Variants in ATP8A2 observed in about 807,000 individuals in gnomAD.
ATP8A2 encodes ATPase phospholipid transporting 8A2.
In ATP8A2, 100 loss-of-function variants were observed where a neutral mutation model predicts 165.6. The observed-to-expected ratio is 0.60, with a 90% confidence interval of 0.51 to 0.71. The LOEUF (loss-of-function observed/expected upper bound fraction) is 0.71. Ranked by LOEUF, ATP8A2 falls within the 30% of genes least tolerant of loss-of-function variation. The probability of loss-of-function intolerance (pLI) is 0.00; values close to 1 mark genes in which losing one functional copy is unlikely to be tolerated. For missense variants in ATP8A2, 1,227 were observed against 1,479.5 expected (o/e 0.83, Z 2.80); for synonymous variants, 543 against 548.8 (o/e 0.99, Z 0.15).
rs758445546 is a variant in ATP8A2 at position 25,817,051 on chromosome 13, G to C, written c.2680-11067G>C. ...CTACCCCTTCCATAATAGACCCCCT[G>C]CCACTGTTCCAACACCAGGAGGTTG... On this transcript the variant is annotated intron_variant, in intron 27 of 36. Coordinates refer to ENST00000381655, the MANE Select transcript of ATP8A2 (RefSeq NM_016529.6). 3.9e-5 allele frequency among the ~76,000 whole-genome samples: 6 copies of C among 152,182 alleles called. No individual in the cohort carries two copies. The East Asian group carries it at 1.2e-3, about 29-fold the overall frequency.
chr13:25,903,284 T>C (rs1953821976), intron 33 of ATP8A2, among the ~76,000 whole-genome samples: 1 of 152,158 alleles, frequency 6.6e-6, no homozygotes, highest in Non-Finnish European at 1.5e-5. Context: ...GCTTTAACCC[T>C]GCCGTTGCAT....
intron 24 of ATP8A2, chr13:25,649,110 A>C: frequency 2.2e-6 from 1 of 460,774 alleles, no homozygotes; most frequent in Non-Finnish European, 4.4e-6. Flanking sequence ...GTGTTTGTGT[A>C]CTTGAGATAA....
chr13:25,947,330 C>T (rs956637013), intron 33 of ATP8A2, among the ~76,000 whole-genome samples: 1 of 152,092 alleles, frequency 6.6e-6, no homozygotes, highest in Non-Finnish European at 1.5e-5. Flanking sequence ...TTGTCTACAT[C>T]TTCATTAATT....
chr13:25,521,566 G>C (rs1481138365), intron 2 of ATP8A2, among the ~76,000 whole-genome samples: 1 of 152,088 alleles, frequency 6.6e-6, no homozygotes, highest in Non-Finnish European at 1.5e-5. Flanking sequence ...TGAGAGATAG[G>C]GGTCTAGATT....
At chr13:25,720,079 G>A (rs566514633) in intron 25 of ATP8A2, among the ~76,000 whole-genome samples, 43 of 151,618 alleles carry the variant, frequency 2.8e-4, no homozygotes, top group Admixed American at 8.5e-4. Context: ...TATAAGCTCC[G>A]AATTCTTGTA....
At chr13:25,799,302 G>C (rs894999210) in intron 27 of ATP8A2, among the ~76,000 whole-genome samples, 22 of 152,244 alleles carry the variant, frequency 1.4e-4, no homozygotes, top group Admixed American at 1.4e-3. Flanking sequence ...CTTTCCTTTT[G>C]GGGTAGGAAG....
At chr13:25,557,335 T>C (rs1322692903) in intron 13 of ATP8A2, among the ~76,000 whole-genome samples, 1 of 152,168 alleles carries the variant, frequency 6.6e-6, no homozygotes, top group Non-Finnish European at 1.5e-5. Flanking sequence ...CCTTGGACCT[T>C]GGGCTGTCAA....
At chr13:25,492,508 A>G (rs552521385) in intron 2 of ATP8A2, among the ~76,000 whole-genome samples, 2 of 152,328 alleles carry the variant, frequency 1.3e-5, no homozygotes, top group East Asian at 3.9e-4. Context: ...CACTGGGGAC[A>G]TCAGCACCCT....
chr13:25,511,991 T>C (rs567421795), intron 2 of ATP8A2, among the ~76,000 whole-genome samples: 1 of 151,728 alleles, frequency 6.6e-6, no homozygotes, highest in South Asian at 2.1e-4. Context: ...GATAAACAAG[T>C]GAACAAAGGT....
chr13:25,613,486 A>G (rs373777747), intron 24 of ATP8A2, among the ~76,000 whole-genome samples: 20 of 152,244 alleles, frequency 1.3e-4, no homozygotes, highest in Admixed American at 1.2e-3. Context: ...AGGCAGGAGA[A>G]TTGCTTGAAG....
At chr13:25,574,971 A>T in intron 19 of ATP8A2, 114 bp downstream of exon 19, 2 of 531,048 alleles carry the variant, frequency 3.8e-6, no homozygotes, top group Non-Finnish European at 6.5e-6. Context: ...AGTATTAAAT[A>T]TAATAAATGT....
At chr13:25,462,808 A>G (rs2035538886) in intron 1 of ATP8A2, among the ~76,000 whole-genome samples, 1 of 152,218 alleles carries the variant, frequency 6.6e-6, no homozygotes, top group Non-Finnish European at 1.5e-5. Flanking sequence ...TCAGGTGTGC[A>G]CAGAGGGGCC....
At chr13:25,692,182 TAAAG>T (rs1476545543) in intron 24 of ATP8A2, among the ~76,000 whole-genome samples, 1 of 152,052 alleles carries the variant, frequency 6.6e-6, no homozygotes, top group Non-Finnish European at 1.5e-5. Context: ...ATGTGTGGGA[TAAAG>T]AAAGAGCATT....
At chr13:25,776,622 T>A (rs2044748140) in intron 27 of ATP8A2, among the ~76,000 whole-genome samples, 1 of 152,004 alleles carries the variant, frequency 6.6e-6, no homozygotes, top group Non-Finnish European at 1.5e-5. Context: ...AAGGTGTTTG[T>A]CCCCCTCCTG....
At position 25,746,486 on chromosome 13, in the gene ATP8A2, G is replaced by A. The variant is rs138019209; in HGVS notation, c.2385-22560G>A. Among the ~76,000 whole-genome samples, 91 of 152,304 alleles carry A rather than the reference G, an allele frequency of 6.0e-4. No individual in the cohort carries two copies. In the East Asian group the frequency reaches 0.012, roughly 21 times the overall value. ...GAAGGACTTCTATGGTCCTTTCTAT[G>A]TATGTAATGGTGTTTTTGTAGGTAA... On this transcript the variant is annotated intron_variant, in intron 25 of 36. Transcript: ENST00000381655.
intron 26 of ATP8A2, among the ~76,000 whole-genome samples, chr13:25,771,287 G>A (rs541492712): frequency 3.7e-4 from 56 of 152,268 alleles, no homozygotes; most frequent in African/African-American, 1.2e-3. Context: ...CTTGGGGGCC[G>A]GCCCCACGCA....
chr13:25,481,230 A>G (rs1019903619), intron 2 of ATP8A2, among the ~76,000 whole-genome samples: 2 of 152,020 alleles, frequency 1.3e-5, no homozygotes, highest in African/African-American at 4.8e-5. Flanking sequence ...GGACAGGGAC[A>G]GGAGTACTGG....
At chr13:25,570,683 A>T in intron 16 of ATP8A2, 84 bp from the exon 17 acceptor site, 1 of 1,043,552 alleles carries the variant, frequency 9.6e-7, no homozygotes, top group South Asian at 1.4e-5. Context: ...GGATGACTGG[A>T]TGTTAGTTGG....
intron 1 of ATP8A2, among the ~76,000 whole-genome samples, chr13:25,450,624 C>CTG (rs2035194219): frequency 6.6e-6 from 1 of 151,864 alleles, no homozygotes; most frequent in Non-Finnish European, 1.5e-5. Context: ...CTCCGCCTCC[C>CTG]GGGTTCACGC....
Sources: gnomAD v4.1 joint callset for allele counts (sites outside exome capture counted in the v4.1 genomes callset) on GRCh38, gnomAD v4.1.1 for gene constraint, MANE v1.5 for transcripts, NCBI Gene and HGNC (gene_info 2026-07-23, HGNC 2026-07-21) for gene names.